The following NCK2 variants were observed in gnomAD, a reference collection of about 807,000 sequenced individuals.
The protein encoded by NCK2 is cytoplasmic protein NCK2.
A neutral mutation model predicts 33.9 loss-of-function variants in NCK2; 16 were observed. The ratio of observed to expected loss-of-function variants is 0.47; its 90% CI spans 0.32 to 0.72. NCK2 has a LOEUF of 0.72. NCK2 is among the 30% of genes least tolerant of loss of function. NCK2 has a pLI of 0.03. For synonymous variants in NCK2, 273 were observed against 239.9 expected, an observed-to-expected ratio of 1.14 and a Z score of -1.27; for missense variants, 418 against 537.3, an observed-to-expected ratio of 0.78 and a Z score of 2.19.
At chr2:105,747,000 A>G (rs1175573767) in intron 1 of NCK2, among the ~76,000 whole-genome samples, 1 of 152,216 alleles carries the variant, frequency 6.6e-6, no homozygotes, top group Non-Finnish European at 1.5e-5. Flanking sequence ...AAATTGGGTC[A>G]CAAATTGCCA....
At chr2:105,771,426 G>A (rs141130115) in intron 1 of NCK2, among the ~76,000 whole-genome samples, 39 of 151,790 alleles carry the variant, frequency 2.6e-4, no homozygotes, top group African/African-American at 8.9e-4. Context: ...AATTAGCTGG[G>A]TGTGGTGAGG....
intron 1 of NCK2, among the ~76,000 whole-genome samples, chr2:105,805,643 A>G (rs1412907486): frequency 6.6e-6 from 1 of 152,046 alleles, no homozygotes; most frequent in East Asian, 1.9e-4. Context: ...TCTACTCTCT[A>G]TTTCCATGAA....
At chr2:105,860,369 A>T (rs939280979) in intron 3 of NCK2, among the ~76,000 whole-genome samples, 6 of 152,094 alleles carry the variant, frequency 3.9e-5, no homozygotes, top group African/African-American at 1.4e-4. Context: ...CCACAAGGGG[A>T]CCCTACCCAC....
intron 1 of NCK2, among the ~76,000 whole-genome samples, chr2:105,792,391 CAG>C (rs1339887096): frequency 6.6e-6 from 1 of 152,102 alleles, no homozygotes; most frequent in Non-Finnish European, 1.5e-5. Flanking sequence ...TAGACTCTAA[CAG>C]ATTATTTCTG....
intron 2 of NCK2, among the ~76,000 whole-genome samples, chr2:105,836,349 A>G (rs1676438008): frequency 6.6e-6 from 1 of 151,984 alleles, no homozygotes; most frequent in South Asian, 2.1e-4. Context: ...TGAGCGTAAA[A>G]GTGTAGTCTT....
intron 1 of NCK2, among the ~76,000 whole-genome samples, chr2:105,774,561 G>C (rs1178814247): frequency 6.6e-6 from 1 of 152,076 alleles, no homozygotes; most frequent in African/African-American, 2.4e-5. Flanking sequence ...AGTCAGATTT[G>C]ATCGTCTCAA....
At chr2:105,818,333 C>T (rs1024723207) in intron 2 of NCK2, among the ~76,000 whole-genome samples, 1 of 147,756 alleles carries the variant, frequency 6.8e-6, no homozygotes, top group Non-Finnish European at 1.5e-5. Context: ...ATGTAAATGA[C>T]GAGTTAACGG....
At chr2:105,788,230 T>C (rs907250131) in intron 1 of NCK2, among the ~76,000 whole-genome samples, 3 of 152,214 alleles carry the variant, frequency 2.0e-5, no homozygotes, top group Non-Finnish European at 4.4e-5. Flanking sequence ...ACCTAGGTAC[T>C]AGTGCTGTCT....
At chr2:105,852,061 T>C (rs1273785834) in intron 2 of NCK2, among the ~76,000 whole-genome samples, 1 of 152,134 alleles carries the variant, frequency 6.6e-6, no homozygotes, top group Non-Finnish European at 1.5e-5. Context: ...GAATTCTGAG[T>C]TGGAATAAGC....
chr2:105,817,536 A>C (rs1675539692), intron 2 of NCK2, among the ~76,000 whole-genome samples: 1 of 152,238 alleles, frequency 6.6e-6, no homozygotes, highest in African/African-American at 2.4e-5. Context: ...CTGCAAGAAT[A>C]ACACTAGCTT....
intron 4 of NCK2, among the ~76,000 whole-genome samples, chr2:105,883,089 G>A (rs1226872903): frequency 6.6e-6 from 1 of 152,182 alleles, no homozygotes; most frequent in Non-Finnish European, 1.5e-5. Context: ...CGTGGTGGTG[G>A]AAACTGGACT....
intron 1 of NCK2, among the ~76,000 whole-genome samples, chr2:105,760,865 C>T (rs1188315277): frequency 2.0e-5 from 3 of 151,930 alleles, no homozygotes; most frequent in African/African-American, 4.8e-5. Flanking sequence ...AAAAAATCAC[C>T]GAAAAATCTT....
At chr2:105,760,818 G>A (rs1034536782) in intron 1 of NCK2, among the ~76,000 whole-genome samples, 7 of 151,098 alleles carry the variant, frequency 4.6e-5, no homozygotes, top group Admixed American at 3.3e-4. Context: ...CAGAGACACC[G>A]AGACCCCACG....
At chr2:105,760,523 G>A (rs1045985271) in intron 1 of NCK2, among the ~76,000 whole-genome samples, 5 of 152,186 alleles carry the variant, frequency 3.3e-5, no homozygotes, top group Non-Finnish European at 5.9e-5. Flanking sequence ...CCTCTTCCCT[G>A]CTGGTGGCAC....
chr2:105,868,711 TTTTC>T (rs1347504162), intron 3 of NCK2, among the ~76,000 whole-genome samples: 2 of 152,164 alleles, frequency 1.3e-5, no homozygotes, highest in African/African-American at 4.8e-5. Flanking sequence ...CTACTGTGGG[TTTTC>T]TTTTTCTTCT....
intron 1 of NCK2, among the ~76,000 whole-genome samples, chr2:105,751,002 T>C (rs1689436884): frequency 6.6e-6 from 1 of 152,222 alleles, no homozygotes; most frequent in African/African-American, 2.4e-5. Context: ...GGAATGTTTC[T>C]GACCTAGGCC....
intron 2 of NCK2, among the ~76,000 whole-genome samples, chr2:105,830,670 GGTGTGTGTGTGTGTGTGT>G (rs56220635): frequency 1.8e-4 from 18 of 99,058 alleles, no homozygotes; most frequent in East Asian, 1.1e-3. Flanking sequence ...CCAGGAATTT[GGTGTGTGTGTGTGTGTGT>G]GTGTGTGTGT....
intron 1 of NCK2, among the ~76,000 whole-genome samples, chr2:105,769,485 A>G (rs1690055535): frequency 6.6e-6 from 1 of 152,246 alleles, no homozygotes; most frequent in South Asian, 2.1e-4. Context: ...TAGAGATACA[A>G]AATGTTTAAA....
intron 2 of NCK2, among the ~76,000 whole-genome samples, chr2:105,829,292 T>G (rs1676075065): frequency 6.6e-6 from 1 of 152,154 alleles, no homozygotes; most frequent in African/African-American, 2.4e-5. Flanking sequence ...GCCATTGCCT[T>G]TTCCCCCAGA....
Sources: allele counts gnomAD v4.1 joint callset (sites outside exome capture counted in the v4.1 genomes callset), GRCh38; gene constraint gnomAD v4.1.1; transcripts MANE v1.5; gene names NCBI Gene and HGNC (gene_info 2026-07-23, HGNC 2026-07-21).